The following PRDM16 variants were observed in gnomAD, a reference collection of about 807,000 sequenced individuals.
PRDM16 encodes histone-lysine N-methyltransferase PRDM16.
In PRDM16, 23 loss-of-function variants were observed where a neutral mutation model predicts 110.6. The observed-to-expected ratio is 0.21, with a 90% CI of 0.15 to 0.29. The LOEUF is 0.29. Among genes scored for constraint, PRDM16 ranks in the 10% least tolerant of loss-of-function variants. The probability of loss-of-function intolerance (pLI) is 1.00; values close to 1 mark genes in which losing one functional copy is unlikely to be tolerated. For synonymous variants in PRDM16, 799 were observed against 781.8 expected, an observed-to-expected ratio of 1.02 and a Z score of -0.37; for missense variants, 1,615 against 1,794.3, an observed-to-expected ratio of 0.90 and a Z score of 1.81.
At chr1:3,177,135 A>G (rs980213884) in intron 1 of PRDM16, among the ~76,000 whole-genome samples, 4 of 152,002 alleles carry the variant, frequency 2.6e-5, no homozygotes, top group Non-Finnish European at 5.9e-5. Flanking sequence ...TCATTCACCC[A>G]TCCACCAACC....
rs183338919 is a variant in PRDM16, at chr1:3,342,503, G to A, written c.439-42649G>A. Among the ~76,000 whole-genome samples, 735 of 152,318 alleles carry A rather than the reference G, an allele frequency of 4.8e-3. 7 individuals are homozygous for A. Among genetic ancestry groups the A allele is most frequent in the African/African-American group, 0.017 (686 of 41,562 alleles). On this transcript the variant is annotated intron_variant, in intron 3 of 16. Transcript: ENST00000270722. ...TCTCAAACCAGGCAGTCTGGCCTCA[G>A]AGCCCCCATGCCTGTATGATGTGTG...
intron 1 of PRDM16, among the ~76,000 whole-genome samples, chr1:3,121,912 CT>C (rs1373594311): frequency 6.6e-6 from 1 of 152,196 alleles, no homozygotes. Flanking sequence ...AGTGAAACAT[CT>C]TGAAAAAGGA....
Position 3,428,516 on chromosome 1 carries a change from C to A in PRDM16, c.3284+2291C>A, listed in dbSNP as rs141197452. Among the ~76,000 whole-genome samples the A allele has an allele frequency of 5.6e-4, 86 of 152,334 alleles. No homozygotes were observed. The East Asian group carries it at 0.014, about 25-fold the overall frequency. ...GACTCAGACTCAGGCCCTCGGAAGACCCGTCCTGCTGAGGCAAGGTCCCCG... is the reference window on the plus strand; with the variant it reads ...GACTCAGACTCAGGCCCTCGGAAGAACCGTCCTGCTGAGGCAAGGTCCCCG... On this transcript the variant is annotated intron_variant, in intron 14 of 16. Coordinates refer to ENST00000270722, the MANE Select transcript of PRDM16 (RefSeq NM_022114.4).
intron 1 of PRDM16, among the ~76,000 whole-genome samples, chr1:3,071,105 C>T (rs1242614251): frequency 6.6e-6 from 1 of 152,266 alleles, no homozygotes; most frequent in Non-Finnish European, 1.5e-5. Flanking sequence ...TGCGTGTGGG[C>T]CGCCAGGTCA....
At chr1:3,373,598 T>A (rs765064601) in intron 3 of PRDM16, among the ~76,000 whole-genome samples, 2 of 152,214 alleles carry the variant, frequency 1.3e-5, no homozygotes, top group Non-Finnish European at 2.9e-5. Context: ...CAACCTGGCG[T>A]GACAGACTTG....
intron 1 of PRDM16, among the ~76,000 whole-genome samples, chr1:3,138,813 G>A (rs894622650): frequency 3.3e-5 from 5 of 152,318 alleles, no homozygotes; most frequent in African/African-American, 1.2e-4. Flanking sequence ...GGAGCCAGGC[G>A]CCCCTGCATG....
At chr1:3,340,256 C>T (rs559672999) in intron 3 of PRDM16, among the ~76,000 whole-genome samples, 6 of 152,064 alleles carry the variant, frequency 3.9e-5, no homozygotes, top group African/African-American at 1.2e-4. Flanking sequence ...CCAAGCAGAC[C>T]CCACGAGCCC....
chr1:3,099,415 G>A (rs757281443), intron 1 of PRDM16, among the ~76,000 whole-genome samples: 1 of 152,238 alleles, frequency 6.6e-6, no homozygotes, highest in Non-Finnish European at 1.5e-5. Context: ...CCAGCCTCAC[G>A]GAGGCCCCGG....
chr1:3,412,592 G>A lies in PRDM16; in HGVS notation c.2395G>A (p.Glu799Lys), dbSNP rs749471483. 5.6e-6 allele frequency: 9 copies of A among 1,603,074 alleles called. No individual in the cohort carries two copies. The highest frequency in any genetic ancestry group is 7.7e-6 in the Non-Finnish European group (9 of 1,175,864). ...PKGPSAPASG[E>K]EQPLDLSIGS... ...GGGCCCCTCGGCCCCCGCATCCGGCGAGGAGCAGCCGCTGGACCTGAGCAT... is the reference window on the plus strand; with the variant it reads ...GGGCCCCTCGGCCCCCGCATCCGGCAAGGAGCAGCCGCTGGACCTGAGCAT... Residue 799 changes from glutamate (E) to lysine (K), a missense_variant, in exon 9 of 17, where the codon GAG becomes AAG. By Grantham distance (56) the Glu-to-Lys change is moderately conservative (BLOSUM62 1). Transcript: ENST00000270722.
chr1:3,435,014 C>T lies in PRDM16; in HGVS notation c.*1203C>T, dbSNP rs1638868790. 1.3e-5 allele frequency: 3 copies of T among 227,438 alleles called. No homozygotes were observed. Among genetic ancestry groups the T allele is most frequent in the South Asian group, 1.8e-4 (1 of 5,482 alleles). 14.1% of individuals were successfully genotyped at this position (227,438 alleles called of 1,614,324 possible). On this transcript the variant is annotated 3_prime_UTR_variant, in exon 17 of 17. Coordinates refer to ENST00000270722, the MANE Select transcript of PRDM16 (RefSeq NM_022114.4). Reference sequence around the variant, plus strand: ...CACAGTCGTCACGTCGCTCTTCCTGCGGGTTCTTGGCGAGACACAGCTTGA... The same window carrying T: ...CACAGTCGTCACGTCGCTCTTCCTGTGGGTTCTTGGCGAGACACAGCTTGA...
chr1:3,125,501 C>T (rs549290477), intron 1 of PRDM16, among the ~76,000 whole-genome samples: 11 of 152,374 alleles, frequency 7.2e-5, no homozygotes, highest in Non-Finnish European at 1.0e-4. Flanking sequence ...AGGGCAGAGT[C>T]GCCGGCTCAG....
At chr1:3,147,011 G>C (rs1164092336) in intron 1 of PRDM16, among the ~76,000 whole-genome samples, 2 of 64,248 alleles carry the variant, frequency 3.1e-5, no homozygotes, top group Non-Finnish European at 5.8e-5. Flanking sequence ...TGGTGTGGGG[G>C]GTATGCGCAC....
intron 3 of PRDM16, among the ~76,000 whole-genome samples, chr1:3,295,699 TG>T (rs548675372): frequency 2.0e-5 from 3 of 152,154 alleles, no homozygotes; most frequent in Non-Finnish European, 4.4e-5. Context: ...TTGTTTAGTC[TG>T]GGGGAAGCTC....
At position 3,390,100 on chromosome 1, in the gene PRDM16, G is replaced by A. The variant is rs905766628; in HGVS notation, c.573+4814G>A. 2.0e-5 allele frequency among the ~76,000 whole-genome samples: 3 copies of A among 152,202 alleles called. No individual in the cohort carries two copies. Among genetic ancestry groups the A allele is most frequent in the Non-Finnish European group, 4.4e-5 (3 of 68,034 alleles). On this transcript the variant is annotated intron_variant, in intron 4 of 16. Coordinates refer to ENST00000270722, the MANE Select transcript of PRDM16 (RefSeq NM_022114.4). This position sits in a 1 kb window ranked among gnomAD's most constrained non-coding sequence, Gnocchi z 5.0. Reference sequence around the variant, plus strand: ...GGAGACACAGACAGGGACAGTTCCTGAATTTGTTTTAACGTGAAGAAAGAA... The same window carrying A: ...GGAGACACAGACAGGGACAGTTCCTAAATTTGTTTTAACGTGAAGAAAGAA...
Position 3,350,846 on chromosome 1 carries a change from CG to C in PRDM16, c.439-34305del, listed in dbSNP as rs1557626366. On this transcript the variant is annotated intron_variant, in intron 3 of 16. Transcript: ENST00000270722. This position sits in a 1 kb window ranked among gnomAD's most constrained non-coding sequence, Gnocchi z 7.1. ...GGCCAGGTGGGTGGGGCCCAGCCAG[CG>C]CCAGGCACTTCTGGCTGGGGGATAT... Among the ~76,000 whole-genome samples the C allele has an allele frequency of 6.6e-6, 1 of 152,140 alleles. No individual in the cohort carries two copies. Among genetic ancestry groups the C allele is most frequent in the East Asian group, 1.9e-4 (1 of 5,176 alleles).
Position 3,081,968 on chromosome 1 carries a change from C to T in PRDM16, c.37+12672C>T, listed in dbSNP as rs1642039018. Reference sequence around the variant, plus strand: ...AGTGTGCCAAGGCAGCGGCAAAGCCCCCGTGAGCACCAACCCAAGCCTTGC... The same window carrying T: ...AGTGTGCCAAGGCAGCGGCAAAGCCTCCGTGAGCACCAACCCAAGCCTTGC... On this transcript the variant is annotated intron_variant, in intron 1 of 16. Coordinates refer to ENST00000270722, the MANE Select transcript of PRDM16 (RefSeq NM_022114.4). This position sits in a 1 kb window ranked among gnomAD's most constrained non-coding sequence, Gnocchi z 4.6. Among the ~76,000 whole-genome samples the T allele has an allele frequency of 6.6e-6, 1 of 152,220 alleles. No homozygotes were observed.
intron 4 of PRDM16, among the ~76,000 whole-genome samples, chr1:3,387,470 G>A (rs368799403): frequency 3.9e-5 from 6 of 152,160 alleles, no homozygotes; most frequent in Non-Finnish European, 5.9e-5. Flanking sequence ...GGGCACTTCC[G>A]ACCCCCTCAA....
At chr1:3,311,375 C>T (rs1235319223) in intron 3 of PRDM16, among the ~76,000 whole-genome samples, 3 of 152,136 alleles carry the variant, frequency 2.0e-5, no homozygotes, top group African/African-American at 4.8e-5. Flanking sequence ...TATTTCTTCC[C>T]AAAGTGCCTG....
At position 3,385,155 on chromosome 1, in the gene PRDM16, T is replaced by G; in HGVS notation, c.442T>G (p.Ser148Ala). 1 of 1,613,414 alleles carries G rather than the reference T, an allele frequency of 6.2e-7. No homozygotes were observed. The highest frequency in any genetic ancestry group is 8.5e-7 in the Non-Finnish European group (1 of 1,180,004). ...CGCTTCGCTTTCCTCCCAGCAGATCTCCGAAGACCTGGGCAGTGAGAAGTT... is the reference window on the plus strand; with the variant it reads ...CGCTTCGCTTTCCTCCCAGCAGATCGCCGAAGACCTGGGCAGTGAGAAGTT... Reference protein sequence around the residue: ...SPQEGCITKISEDLGSEKFCV... With the variant: ...SPQEGCITKIAEDLGSEKFCV... The change falls in exon 4 of 17, where the codon TCC becomes GCC. Residue 148 changes from serine (S) to alanine (A), a missense_variant. By Grantham distance (99) the Ser-to-Ala change is moderately conservative (BLOSUM62 1). Coordinates refer to ENST00000270722, the MANE Select transcript of PRDM16 (RefSeq NM_022114.4).
Sources: gnomAD v4.1 joint callset for allele counts (sites outside exome capture counted in the v4.1 genomes callset) on GRCh38, gnomAD v4.1.1 for gene constraint, Gnocchi (gnomAD v3.1) non-coding constraint, MANE v1.5 for transcripts, NCBI Gene and HGNC (gene_info 2026-07-23, HGNC 2026-07-21) for gene names.